Variants in CDC42BPA observed in about 807,000 individuals in gnomAD.
CDC42BPA encodes the protein CDC42 binding protein kinase alpha.
A neutral mutation model predicts 223.5 loss-of-function variants in CDC42BPA; 80 were observed. The ratio of observed to expected loss-of-function variants is 0.36; its 90% CI spans 0.30 to 0.43. CDC42BPA has a LOEUF of 0.43. Among genes scored for constraint, CDC42BPA ranks in the 20% least tolerant of loss-of-function variants. The pLI is 1.00. For synonymous variants in CDC42BPA, 694 were observed against 718.6 expected, an observed-to-expected ratio of 0.97 and a Z score of 0.55; for missense variants, 1,743 against 2,099.9, an observed-to-expected ratio of 0.83 and a Z score of 3.32.
chr1:227,142,897 C>T (rs375907067), intron 9 of CDC42BPA, 48 bp downstream of exon 9: 20 of 1,282,764 alleles, frequency 1.6e-5, no homozygotes, highest in African/African-American at 6.2e-5. Context: ...GGATTACAGG[C>T]GTGAGCCACT....
chr1:227,241,900 A>G (rs1041670399), intron 2 of CDC42BPA, among the ~76,000 whole-genome samples: 16 of 152,136 alleles, frequency 1.1e-4, no homozygotes, highest in African/African-American at 3.9e-4. Flanking sequence ...TTAAAAAGAA[A>G]TAACACCAAT....
At chr1:227,123,834 T>C (rs1002412377) in intron 11 of CDC42BPA, among the ~76,000 whole-genome samples, 5 of 151,260 alleles carry the variant, frequency 3.3e-5, no homozygotes, top group Admixed American at 2.6e-4. Flanking sequence ...TCACAGGAGG[T>C]AGGGAGGGGA....
chr1:227,216,829 A>T (rs1276313807), intron 2 of CDC42BPA, among the ~76,000 whole-genome samples: 3 of 152,218 alleles, frequency 2.0e-5, no homozygotes, highest in Non-Finnish European at 4.4e-5. Context: ...ATATATTTTT[A>T]AAAACACTAG....
chr1:227,013,794 T>C (rs1665681599), intron 34 of CDC42BPA, among the ~76,000 whole-genome samples: 1 of 152,252 alleles, frequency 6.6e-6, no homozygotes, highest in East Asian at 1.9e-4. Flanking sequence ...AATTTTATAT[T>C]TGCTGATGTT....
intron 16 of CDC42BPA, among the ~76,000 whole-genome samples, chr1:227,089,765 G>A (rs1363396528): frequency 6.6e-6 from 1 of 151,066 alleles, no homozygotes; most frequent in Non-Finnish European, 1.5e-5. Context: ...AATCAAATGA[G>A]AAGTTTTGAA....
chr1:227,149,508 A>G (rs769177714), intron 6 of CDC42BPA, among the ~76,000 whole-genome samples: 1 of 152,258 alleles, frequency 6.6e-6, no homozygotes, highest in Non-Finnish European at 1.5e-5. Flanking sequence ...ACAGAACAAT[A>G]GATCCCTAAC....
intron 1 of CDC42BPA, among the ~76,000 whole-genome samples, chr1:227,266,066 TC>T (rs1268079764): frequency 6.6e-6 from 1 of 152,182 alleles, no homozygotes; most frequent in African/African-American, 2.4e-5. Context: ...CAACTAATCT[TC>T]CCTTCTTCCT....
At chr1:227,030,184 A>T (rs1415857552) in intron 29 of CDC42BPA, among the ~76,000 whole-genome samples, 1 of 152,190 alleles carries the variant, frequency 6.6e-6, no homozygotes, top group Admixed American at 6.5e-5. Flanking sequence ...CTGTTAAATA[A>T]AATGATACAA....
intron 12 of CDC42BPA, among the ~76,000 whole-genome samples, chr1:227,114,658 T>G (rs2149404456): frequency 6.6e-6 from 1 of 152,262 alleles, no homozygotes; most frequent in South Asian, 2.1e-4. Flanking sequence ...ACAGCTTGAA[T>G]AATCCAAAAA....
chr1:227,213,029 CACAG>C (rs1674202601), intron 3 of CDC42BPA, 103 bp downstream of exon 3: 1 of 555,266 alleles, frequency 1.8e-6, no homozygotes. Flanking sequence ...AAAATGTCAC[CACAG>C]ACAAAATGTT....
At chr1:227,196,893 T>A (rs951420680) in intron 4 of CDC42BPA, among the ~76,000 whole-genome samples, 1 of 152,246 alleles carries the variant, frequency 6.6e-6, no homozygotes, top group Non-Finnish European at 1.5e-5. Flanking sequence ...CATTATATTC[T>A]AGTGTTATGT....
chr1:227,074,436 T>A, intron 17 of CDC42BPA, 72 bp from the exon 18 acceptor site: 1 of 1,091,038 alleles, frequency 9.2e-7, no homozygotes. Context: ...ATTTTAAAGC[T>A]TCCTAAAGAA....
chr1:227,155,499 T>C (rs754951513), intron 6 of CDC42BPA, among the ~76,000 whole-genome samples: 3 of 152,032 alleles, frequency 2.0e-5, no homozygotes, highest in Non-Finnish European at 4.4e-5. Context: ...ATGAAGACGA[T>C]GAAAGGTAGT....
rs907533254 is a variant in CDC42BPA, at chr1:227,047,776, G to A, written c.3093+151C>T. The A allele has an allele frequency of 9.9e-5, 52 of 527,086 alleles. 1 individual carries two copies. Among genetic ancestry groups the A allele is most frequent in the South Asian group, 5.4e-4 (22 of 40,520 alleles). 32.7% of individuals were successfully genotyped at this position (527,086 alleles called of 1,614,324 possible). A position where few individuals can be genotyped will look rare whatever the true frequency, so the allele number is the denominator to read the frequency against. ...GTACGCTCTCCCTACCTTTCCTATT[G>A]GTGATTATTTGCATTCACACATAAT... On this transcript the variant is annotated intron_variant, in intron 23 of 36. Transcript: ENST00000366766.
At chr1:227,039,742 G>A (rs1572417769) in intron 24 of CDC42BPA, among the ~76,000 whole-genome samples, 1 of 152,052 alleles carries the variant, frequency 6.6e-6, no homozygotes, top group Non-Finnish European at 1.5e-5. Flanking sequence ...ATTAATACAG[G>A]AATAAAATAT....
At chr1:227,169,236 T>A (rs1665684393) in intron 5 of CDC42BPA, among the ~76,000 whole-genome samples, 1 of 152,206 alleles carries the variant, frequency 6.6e-6, no homozygotes, top group Non-Finnish European at 1.5e-5. Flanking sequence ...TAGTCTGCTA[T>A]TAATAATTTC....
chr1:227,212,380 C>T (rs1572397712), intron 3 of CDC42BPA, among the ~76,000 whole-genome samples: 1 of 152,130 alleles, frequency 6.6e-6, no homozygotes, highest in Admixed American at 6.5e-5. Context: ...TTACTAACTT[C>T]CAGGGCTATT....
chr1:227,277,810 C>T (rs960520312), intron 1 of CDC42BPA, among the ~76,000 whole-genome samples: 3 of 152,130 alleles, frequency 2.0e-5, no homozygotes, highest in African/African-American at 7.2e-5. Flanking sequence ...AGTGCAGTGG[C>T]GCAATCTCGG....
intron 12 of CDC42BPA, among the ~76,000 whole-genome samples, chr1:227,116,086 G>A (rs1313582253): frequency 6.6e-6 from 1 of 152,088 alleles, no homozygotes; most frequent in African/African-American, 2.4e-5. Flanking sequence ...CATAAAATGA[G>A]AATAACACCT....
Sources: allele counts gnomAD v4.1 joint callset (sites outside exome capture counted in the v4.1 genomes callset), GRCh38; gene constraint gnomAD v4.1.1; transcripts MANE v1.5; gene names NCBI Gene and HGNC (gene_info 2026-07-23, HGNC 2026-07-21).